Variants in WDFY2 observed in about 807,000 individuals in gnomAD.
The protein encoded by WDFY2 is WD repeat and FYVE domain containing 2.
In WDFY2, 36 loss-of-function variants were observed where a neutral mutation model predicts 56.4. The observed-to-expected ratio is 0.64, with a 90% CI of 0.49 to 0.84. The LOEUF (loss-of-function observed/expected upper bound fraction) is 0.84, where lower values mean the gene tolerates loss of function less well. Ranked by LOEUF, WDFY2 falls within the 40% of genes least tolerant of loss-of-function variation. The pLI, the probability that WDFY2 is intolerant of heterozygous loss-of-function variation, is 0.00. For synonymous variants in WDFY2, 176 were observed against 183.7 expected (o/e 0.96, Z 0.34); for missense variants, 444 against 512.2 (o/e 0.87, Z 1.29).
chr13:51,765,082 A>T lies in WDFY2; in HGVS notation c.*5313A>T, dbSNP rs1953707380. The T allele has an allele frequency of 6.6e-6, 1 of 151,884 alleles. No homozygotes were observed. The highest frequency in any genetic ancestry group is 2.4e-5 in the African/African-American group (1 of 41,280). 9.4% of individuals were successfully genotyped at this position (151,884 alleles called of 1,614,324 possible). On this transcript the variant is annotated 3_prime_UTR_variant, in exon 12 of 12. Coordinates refer to ENST00000298125, the MANE Select transcript of WDFY2 (RefSeq NM_052950.4). ...GGGCACTTGCAACAGGAAGGCAGAG[A>T]GTTTCGTCAATTCAGGTACAGGTCT...
At chr13:51,617,954 A>T (rs187137131) in intron 1 of WDFY2, among the ~76,000 whole-genome samples, 3 of 152,216 alleles carry the variant, frequency 2.0e-5, no homozygotes, top group African/African-American at 7.2e-5. Context: ...ATTTACTGTT[A>T]ATTTCAGCCA....
chr13:51,642,459 A>AT (rs1955185898), intron 1 of WDFY2, among the ~76,000 whole-genome samples: 1 of 149,916 alleles, frequency 6.7e-6, no homozygotes, highest in Admixed American at 6.7e-5. Context: ...GGCTAATTTT[A>AT]TTATTTTTTT....
intron 3 of WDFY2, among the ~76,000 whole-genome samples, chr13:51,694,475 T>C (rs1951818417): frequency 6.6e-6 from 1 of 152,236 alleles, no homozygotes; most frequent in Non-Finnish European, 1.5e-5. Context: ...AATTCTGGGT[T>C]GAAAATTCTT....
intron 1 of WDFY2, among the ~76,000 whole-genome samples, chr13:51,601,814 G>A (rs1412790871): frequency 3.3e-5 from 5 of 152,184 alleles, no homozygotes; most frequent in Non-Finnish European, 5.9e-5. Flanking sequence ...TCCATGAGGC[G>A]CTCTGGAAGA....
rs1360802483 is a variant in WDFY2 at position 51,703,602 on chromosome 13, A to G, written c.286A>G (p.Ile96Val). 2.5e-6 allele frequency: 4 copies of G among 1,604,694 alleles called. No individual in the cohort carries two copies. The highest frequency in any genetic ancestry group is 3.4e-6 in the Non-Finnish European group (4 of 1,175,230). The change falls in exon 4 of 12, where the codon ATA becomes GTA. Residue 96 changes from isoleucine (I) to valine (V), a missense_variant. Transcript: ENST00000298125. ...GTTTTCTTTTCTTTTACAGGAGTTT[A>G]TATTGTCAGAAGATTATAACAAGAT... is the stretch of plus-strand genomic sequence containing the variant. ...GLDNGTISEF[I>V]LSEDYNKMTP...
chr13:51,666,692 T>C (rs536989585), intron 2 of WDFY2, among the ~76,000 whole-genome samples: 2 of 152,310 alleles, frequency 1.3e-5, no homozygotes, highest in Admixed American at 1.3e-4. Flanking sequence ...CAGATCTTTA[T>C]TTTAATTTTC....
intron 2 of WDFY2, among the ~76,000 whole-genome samples, chr13:51,670,681 G>C (rs557026951): frequency 1.1e-4 from 16 of 152,118 alleles, no homozygotes; most frequent in African/African-American, 3.9e-4. Flanking sequence ...AGAACAGTAA[G>C]ATTTCTGTTC....
Position 51,703,613 on chromosome 13 carries a change from A to C in WDFY2, c.297A>C (p.Glu99Asp). 4 of 1,608,732 alleles carry C rather than the reference A, an allele frequency of 2.5e-6. No homozygotes were observed. Among genetic ancestry groups the C allele is most frequent in the Non-Finnish European group, 3.4e-6 (4 of 1,177,308 alleles). ...TTTTACAGGAGTTTATATTGTCAGA[A>C]GATTATAACAAGATGACTCCTGTGA... ...NGTISEFILS[E>D]DYNKMTPVKN... The change falls in exon 4 of 12, where the codon GAA becomes GAC. Residue 99 changes from glutamate (E) to aspartate (D), a missense_variant. Coordinates refer to ENST00000298125, the MANE Select transcript of WDFY2 (RefSeq NM_052950.4).
At chr13:51,669,372 TAAAG>T (rs1462673190) in intron 2 of WDFY2, among the ~76,000 whole-genome samples, 1 of 152,150 alleles carries the variant, frequency 6.6e-6, no homozygotes, top group Non-Finnish European at 1.5e-5. Context: ...TTCAAGGAAA[TAAAG>T]GGTCTAATTT....
intron 3 of WDFY2, among the ~76,000 whole-genome samples, chr13:51,691,133 C>CTACT (rs1956147526): frequency 1.3e-5 from 2 of 151,870 alleles, no homozygotes; most frequent in Admixed American, 1.3e-4. Context: ...AAATTTTCTC[C>CTACT]CATTTTGTAG....
chr13:51,721,408 GCTAA>G (rs1470407317), intron 5 of WDFY2, among the ~76,000 whole-genome samples: 1 of 152,076 alleles, frequency 6.6e-6, no homozygotes, highest in Non-Finnish European at 1.5e-5. Context: ...GCCTCAGGAA[GCTAA>G]CTTTTTAAAC....
rs374028716 is a variant in WDFY2, at chr13:51,612,443, A to T, written c.137+27619A>T. On this transcript the variant is annotated intron_variant, in intron 1 of 11. Coordinates refer to ENST00000298125, the MANE Select transcript of WDFY2 (RefSeq NM_052950.4). ...GCTGACATAAATTAGAACTTTGAAC[A>T]CTTTCAAATTGTGTTTCAAATTAAC... Among the ~76,000 whole-genome samples, 6 of 152,334 alleles carry T rather than the reference A, an allele frequency of 3.9e-5. No homozygotes were observed. The East Asian group carries it at 5.8e-4, about 15-fold the overall frequency.
At chr13:51,606,707 C>T (rs1954390698) in intron 1 of WDFY2, among the ~76,000 whole-genome samples, 1 of 151,790 alleles carries the variant, frequency 6.6e-6, no homozygotes, top group African/African-American at 2.4e-5. Context: ...TGTAATAAGT[C>T]CTGGAATGCA....
chr13:51,714,156 T>C (rs1313741829), intron 4 of WDFY2, among the ~76,000 whole-genome samples: 9 of 152,068 alleles, frequency 5.9e-5, no homozygotes, highest in Non-Finnish European at 1.0e-4. Flanking sequence ...CATATGTGGA[T>C]TACTTAGTGA....
intron 1 of WDFY2, among the ~76,000 whole-genome samples, chr13:51,641,053 C>T (rs542488325): frequency 6.6e-6 from 1 of 152,040 alleles, no homozygotes; most frequent in Non-Finnish European, 1.5e-5. Flanking sequence ...AAGTTGGGTC[C>T]ATCTTATTCA....
In WDFY2 at chr13:51,705,155, G is replaced by A. The variant is rs1158438605; in HGVS notation, c.334+1505G>A. Reference sequence around the variant, plus strand: ...GGAGGCCTTGTCAACAGCCAGTAAGGGACTGACACCCTAGTTTAATAGCCC... The same window carrying A: ...GGAGGCCTTGTCAACAGCCAGTAAGAGACTGACACCCTAGTTTAATAGCCC... On this transcript the variant is annotated intron_variant, in intron 4 of 11. Transcript: ENST00000298125. Among the ~76,000 whole-genome samples the A allele has an allele frequency of 3.3e-5, 5 of 152,150 alleles. No homozygotes were observed. In the East Asian group the frequency reaches 9.6e-4, roughly 29 times the overall value.
intron 2 of WDFY2, among the ~76,000 whole-genome samples, chr13:51,664,409 T>C (rs1262496432): frequency 6.6e-6 from 1 of 152,154 alleles, no homozygotes; most frequent in Non-Finnish European, 1.5e-5. Context: ...TGGGAACATA[T>C]AAACCCAAGA....
At chr13:51,674,688 A>T (rs1955858274) in intron 2 of WDFY2, among the ~76,000 whole-genome samples, 1 of 152,132 alleles carries the variant, frequency 6.6e-6, no homozygotes, top group African/African-American at 2.4e-5. Context: ...ATCAATTCTG[A>T]ATCAAAAAAT....
At chr13:51,666,385 G>A (rs1008568212) in intron 2 of WDFY2, among the ~76,000 whole-genome samples, 3 of 152,118 alleles carry the variant, frequency 2.0e-5, no homozygotes, top group Admixed American at 6.5e-5. Context: ...TTTCAGACAC[G>A]AGGGCCAGGA....
Sources: gnomAD v4.1 joint callset for allele counts (sites outside exome capture counted in the v4.1 genomes callset) on GRCh38, gnomAD v4.1.1 for gene constraint, MANE v1.5 for transcripts, NCBI Gene and HGNC (gene_info 2026-07-23, HGNC 2026-07-21) for gene names.